GPC6: variants seen among roughly 807,000 people sequenced by gnomAD.
The protein encoded by GPC6 is glypican-6.
GPC6 carries 14 observed loss-of-function variants against 55.2 expected under a neutral mutation model. That is an observed-to-expected ratio of 0.25 (90% CI 0.17 to 0.40). The LOEUF (loss-of-function observed/expected upper bound fraction) is 0.40. Among genes scored for constraint, GPC6 ranks in the 10% least tolerant of loss-of-function variants. GPC6 has a pLI of 1.00. For synonymous variants in GPC6, 278 were observed against 259.6 expected, an observed-to-expected ratio of 1.07 and a Z score of -0.68; for missense variants, 641 against 708.5, an observed-to-expected ratio of 0.90 and a Z score of 1.08.
At chr13:93,595,070 C>A (rs1046504623) in intron 2 of GPC6, among the ~76,000 whole-genome samples, 1 of 152,002 alleles carries the variant, frequency 6.6e-6, no homozygotes, top group South Asian at 2.1e-4. Flanking sequence ...TTTTGACATT[C>A]TTTTTCTATG....
At chr13:93,409,456 C>G (rs1267233600) in intron 1 of GPC6, among the ~76,000 whole-genome samples, 1 of 152,118 alleles carries the variant, frequency 6.6e-6, no homozygotes, top group Admixed American at 6.6e-5. Flanking sequence ...CAGAGCCACA[C>G]TTCCTCGCTC....
intron 1 of GPC6, among the ~76,000 whole-genome samples, chr13:93,328,031 T>G (rs969032796): frequency 3.3e-5 from 5 of 152,104 alleles, no homozygotes; most frequent in Non-Finnish European, 5.9e-5. Flanking sequence ...TTTATATTTT[T>G]TATTTTTTTC....
chr13:93,675,610 C>T (rs1394929207), intron 2 of GPC6, among the ~76,000 whole-genome samples: 2 of 152,008 alleles, frequency 1.3e-5, no homozygotes, highest in African/African-American at 4.8e-5. Context: ...CATTTTAGTT[C>T]ATTTGTTGAA....
intron 4 of GPC6, among the ~76,000 whole-genome samples, chr13:94,087,586 A>C (rs530321207): frequency 6.6e-6 from 1 of 152,350 alleles, no homozygotes; most frequent in South Asian, 2.1e-4. Context: ...CGGCAATCCT[A>C]ACAGGCTATT....
chr13:94,128,034 T>C (rs1886882146), intron 4 of GPC6, among the ~76,000 whole-genome samples: 1 of 152,204 alleles, frequency 6.6e-6, no homozygotes, highest in African/African-American at 2.4e-5. Context: ...CTACAGGGAA[T>C]AGTAATCTAT....
chr13:94,094,187 C>T (rs1463661266), intron 4 of GPC6, among the ~76,000 whole-genome samples: 1 of 151,964 alleles, frequency 6.6e-6, no homozygotes, highest in Non-Finnish European at 1.5e-5. Context: ...AATGAAACAG[C>T]TGAAGTCTTT....
At position 94,271,257 on chromosome 13, in the gene GPC6, C is replaced by T. The variant is rs560592550; in HGVS notation, c.878-15092C>T. 3.3e-5 allele frequency among the ~76,000 whole-genome samples: 5 copies of T among 151,962 alleles called. No homozygotes were observed. The East Asian group carries it at 9.7e-4, about 30-fold the overall frequency. On this transcript the variant is annotated intron_variant, in intron 4 of 8. Coordinates refer to ENST00000377047, the MANE Select transcript of GPC6 (RefSeq NM_005708.5). ...CCACCCGTCTCGACCTCCCAAAATG[C>T]TGGGATTACAGGCATGAGCCACCGC...
At chr13:93,727,502 G>GT (rs71202597) in intron 2 of GPC6, among the ~76,000 whole-genome samples, 32,109 of 151,978 alleles carry the variant, frequency 0.21, 3,966 homozygotes, top group Non-Finnish European at 0.27. Flanking sequence ...CTTCCCCGTG[G>GT]TTTATGTTTT....
rs576644563 is a variant in GPC6 at position 93,350,279 on chromosome 13, A to G, written c.160+122663A>G. Among the ~76,000 whole-genome samples, 11 of 152,212 alleles carry G rather than the reference A, an allele frequency of 7.2e-5. No homozygotes were observed. The East Asian group carries it at 1.9e-3, about 27-fold the overall frequency. Reference sequence around the variant, plus strand: ...GTGAAACCCCATCTCTACTAAAAATACAAAAATTAGCCAGGTGTGGTGGCG... The same window carrying G: ...GTGAAACCCCATCTCTACTAAAAATGCAAAAATTAGCCAGGTGTGGTGGCG... On this transcript the variant is annotated intron_variant, in intron 1 of 8. Coordinates refer to ENST00000377047, the MANE Select transcript of GPC6 (RefSeq NM_005708.5).
intron 1 of GPC6, among the ~76,000 whole-genome samples, chr13:93,399,677 G>A (rs1875998243): frequency 6.6e-6 from 1 of 152,220 alleles, no homozygotes; most frequent in Admixed American, 6.5e-5. Context: ...CCCTCGGTAA[G>A]TCCAGAGACT....
intron 3 of GPC6, among the ~76,000 whole-genome samples, chr13:93,886,942 G>T (rs186828031): frequency 6.6e-6 from 1 of 151,476 alleles, no homozygotes; most frequent in African/African-American, 2.4e-5. Flanking sequence ...CGTCTAACTG[G>T]ACCTACTATG....
chr13:93,814,885 A>G (rs1820551462), intron 2 of GPC6, among the ~76,000 whole-genome samples: 1 of 152,188 alleles, frequency 6.6e-6, no homozygotes, highest in Non-Finnish European at 1.5e-5. Context: ...TACCATCAGC[A>G]GTTCAAAAAC....
At chr13:93,285,202 T>C (rs973461117) in intron 1 of GPC6, among the ~76,000 whole-genome samples, 6 of 152,192 alleles carry the variant, frequency 3.9e-5, no homozygotes, top group South Asian at 4.1e-4. Flanking sequence ...TTGTAAAGAA[T>C]TTTGAAACTT....
intron 4 of GPC6, among the ~76,000 whole-genome samples, chr13:94,151,028 T>C (rs1468520753): frequency 6.6e-6 from 1 of 151,894 alleles, no homozygotes; most frequent in East Asian, 1.9e-4. Context: ...ATTCTTATGA[T>C]AGCTCATTTT....
At chr13:93,920,908 C>T (rs1480766860) in intron 3 of GPC6, among the ~76,000 whole-genome samples, 1 of 152,164 alleles carries the variant, frequency 6.6e-6, no homozygotes, top group Non-Finnish European at 1.5e-5. Context: ...CCTTAGGTCC[C>T]TCCATGTTCT....
At chr13:94,245,516 A>G (rs573525305) in intron 4 of GPC6, among the ~76,000 whole-genome samples, 78 of 152,140 alleles carry the variant, frequency 5.1e-4, no homozygotes, top group African/African-American at 1.8e-3. Flanking sequence ...GTGGCAGTGA[A>G]TTGTGATCAT....
At chr13:93,732,924 GT>G (rs893737955) in intron 2 of GPC6, among the ~76,000 whole-genome samples, 9 of 148,934 alleles carry the variant, frequency 6.0e-5, no homozygotes, top group Admixed American at 4.6e-4. Flanking sequence ...ATTTTACGTT[GT>G]TTTTTTTCTG....
intron 1 of GPC6, among the ~76,000 whole-genome samples, chr13:93,456,767 T>C (rs1022062658): frequency 7.9e-5 from 12 of 152,108 alleles, no homozygotes; most frequent in Non-Finnish European, 1.5e-4. Flanking sequence ...TTTTAGCATC[T>C]TGTAGCTTCT....
At chr13:93,720,730 G>A (rs1883425701) in intron 2 of GPC6, among the ~76,000 whole-genome samples, 1 of 151,990 alleles carries the variant, frequency 6.6e-6, no homozygotes, top group Non-Finnish European at 1.5e-5. Context: ...TCTAAACACT[G>A]CTTTAGCTGT....
Sources: allele counts gnomAD v4.1 joint callset (sites outside exome capture counted in the v4.1 genomes callset), GRCh38; gene constraint gnomAD v4.1.1; transcripts MANE v1.5; gene names NCBI Gene and HGNC (gene_info 2026-07-23, HGNC 2026-07-21).